The following CD99L2 variants were observed in gnomAD, a reference collection of about 807,000 sequenced individuals.
CD99L2 encodes CD99 molecule like 2.
CD99L2 carries 24 observed loss-of-function variants against 27.3 expected under a neutral mutation model. The observed-to-expected ratio is 0.88, with a 90% CI of 0.64 to 1.24. The LOEUF (loss-of-function observed/expected upper bound fraction) is 1.24, where lower values mean the gene tolerates loss of function less well. CD99L2 is among the 50% of genes most tolerant of loss of function. The pLI is 0.00. For missense variants in CD99L2, 255 were observed against 221.6 expected (o/e 1.15, Z -0.96); for synonymous variants, 97 against 87.9 (o/e 1.10, Z -0.58).
At chrX:150,787,047 C>T (rs1557419575) in intron 7 of CD99L2, among the ~76,000 whole-genome samples, 1 of 111,872 alleles carries the variant, frequency 8.9e-6, no homozygotes, top group African/African-American at 3.3e-5. Flanking sequence ...CTTTTGCCCG[C>T]TTTTTAATGG....
intron 2 of CD99L2, among the ~76,000 whole-genome samples, chrX:150,821,833 C>G (rs1389029336): frequency 9.0e-6 from 1 of 111,468 alleles, no homozygotes; most frequent in Non-Finnish European, 1.9e-5. Context: ...TCCCACCTCA[C>G]AGACACTAGG....
At chrX:150,800,302 A>G (rs922938358) in intron 4 of CD99L2, among the ~76,000 whole-genome samples, 4 of 111,593 alleles carry the variant, frequency 3.6e-5, no homozygotes, top group African/African-American at 1.3e-4. Flanking sequence ...GGAAATGATC[A>G]TGGTAACAGC....
chrX:150,888,236 C>T (rs782697118), intron 1 of CD99L2, among the ~76,000 whole-genome samples: 16 of 111,737 alleles, frequency 1.4e-4, no homozygotes, highest in African/African-American at 5.2e-4. Flanking sequence ...GCACAAATGT[C>T]CACAGCAGCA....
intron 1 of CD99L2, among the ~76,000 whole-genome samples, chrX:150,835,218 A>T (rs1557421163): frequency 8.9e-6 from 1 of 112,357 alleles, no homozygotes; most frequent in Non-Finnish European, 1.9e-5. Context: ...TGTATATTTT[A>T]AAATTGCTAA....
intron 1 of CD99L2, among the ~76,000 whole-genome samples, chrX:150,840,414 C>CT (rs782428798): frequency 0.1 from 10,521 of 101,304 alleles, 510 homozygotes; most frequent in South Asian, 0.15. Flanking sequence ...CATATATAAA[C>CT]TTTTTTTTTT....
chrX:150,824,641 A>AGAAGAAGAAGAAGAAGAAGAG (rs1557420853), intron 2 of CD99L2, among the ~76,000 whole-genome samples: 13 of 66,794 alleles, frequency 1.9e-4, no homozygotes, highest in Middle Eastern at 7.5e-3. Flanking sequence ...AAGAAGGAGG[A>AGAAGAAGAAGAAGAAGAAGAG]GAAGAAGAAG....
intron 1 of CD99L2, among the ~76,000 whole-genome samples, chrX:150,883,927 T>C (rs1249984103): frequency 3.6e-5 from 4 of 112,041 alleles, no homozygotes; most frequent in African/African-American, 1.3e-4. Context: ...AAAGCCCCAG[T>C]AGGCTAAATA....
intron 6 of CD99L2, among the ~76,000 whole-genome samples, chrX:150,794,256 T>C (rs2045750712): frequency 9.0e-6 from 1 of 111,281 alleles, no homozygotes; most frequent in African/African-American, 3.3e-5. Flanking sequence ...AAGCAGTCAT[T>C]ATTCCTATAG....
intron 1 of CD99L2, among the ~76,000 whole-genome samples, chrX:150,883,535 T>C (rs1471413170): frequency 1.8e-5 from 2 of 111,380 alleles, no homozygotes; most frequent in South Asian, 3.8e-4. Context: ...GCCTTGATGA[T>C]GGCAAAACAA....
In CD99L2 at chrX:150,798,829, C is replaced by T. The variant is rs188389265; in HGVS notation, c.278-3343G>A. 8.9e-5 allele frequency among the ~76,000 whole-genome samples: 10 copies of T among 112,597 alleles called. No individual in the cohort carries two copies. The East Asian group carries it at 2.8e-3, about 32-fold the overall frequency. On this transcript the variant is annotated intron_variant, in intron 4 of 10. Transcript: ENST00000370377. The stretch of plus-strand genomic sequence containing the variant: ...AGTGGCACAATCATGCCACTCAGTG[C>T]AACCTCCGCCTTCCAGACTCAAGTG...
At chrX:150,879,916 C>T (rs1257988798) in intron 1 of CD99L2, among the ~76,000 whole-genome samples, 2 of 91,560 alleles carry the variant, frequency 2.2e-5, no homozygotes, top group African/African-American at 8.6e-5. Flanking sequence ...CAGAGCAACA[C>T]CCTGTCTCCA....
intron 2 of CD99L2, among the ~76,000 whole-genome samples, chrX:150,820,524 C>T (rs1234160132): frequency 1.8e-5 from 2 of 111,754 alleles, no homozygotes; most frequent in East Asian, 5.6e-4. Flanking sequence ...ATTTCCTCAA[C>T]CTGATAAAGG....
At chrX:150,856,305 C>T (rs1325082069) in intron 1 of CD99L2, among the ~76,000 whole-genome samples, 1 of 112,480 alleles carries the variant, frequency 8.9e-6, no homozygotes, top group Non-Finnish European at 1.9e-5. Flanking sequence ...ATTCTAACTT[C>T]CATTCATGGC....
chrX:150,874,791 T>A (rs2047205491), intron 1 of CD99L2, among the ~76,000 whole-genome samples: 1 of 112,355 alleles, frequency 8.9e-6, no homozygotes, highest in Non-Finnish European at 1.9e-5. Flanking sequence ...TGGCCTTCAC[T>A]GATCTGGCTC....
intron 10 of CD99L2, among the ~76,000 whole-genome samples, chrX:150,769,356 C>T (rs1047314862): frequency 1.3e-4 from 15 of 112,223 alleles, no homozygotes; most frequent in Non-Finnish European, 2.6e-4. Flanking sequence ...TTCCTGCCAG[C>T]GCTGCTGGAA....
intron 1 of CD99L2, among the ~76,000 whole-genome samples, chrX:150,870,899 G>A (rs1315656523): frequency 1.8e-5 from 2 of 111,140 alleles, no homozygotes; most frequent in African/African-American, 6.6e-5. Context: ...CTCCTGAGAA[G>A]AGGGGGAATG....
At chrX:150,885,812 G>A (rs1294734295) in intron 1 of CD99L2, among the ~76,000 whole-genome samples, 1 of 112,067 alleles carries the variant, frequency 8.9e-6, no homozygotes, top group African/African-American at 3.2e-5. Flanking sequence ...TGAATTGCCT[G>A]GTCAAATTTT....
intron 1 of CD99L2, among the ~76,000 whole-genome samples, chrX:150,862,101 T>C (rs2046989054): frequency 8.9e-6 from 1 of 111,952 alleles, no homozygotes; most frequent in Non-Finnish European, 1.9e-5. Context: ...AGGTCTATTT[T>C]CTTATTTCCT....
At chrX:150,806,160 G>A (rs781986610) in intron 4 of CD99L2, among the ~76,000 whole-genome samples, 17 of 112,144 alleles carry the variant, frequency 1.5e-4, no homozygotes, top group African/African-American at 5.5e-4. Flanking sequence ...CTGGGTATGG[G>A]GTGCATAGGA....
Sources: allele counts gnomAD v4.1 joint callset (sites outside exome capture counted in the v4.1 genomes callset), GRCh38; gene constraint gnomAD v4.1.1; transcripts MANE v1.5; gene names NCBI Gene and HGNC (gene_info 2026-07-23, HGNC 2026-07-21).